The following SGCZ variants were observed in gnomAD, a reference collection of about 807,000 sequenced individuals.
SGCZ encodes zeta-sarcoglycan.
A neutral mutation model predicts 41.3 loss-of-function variants in SGCZ; 40 were observed. The observed-to-expected ratio is 0.97, with a 90% CI of 0.75 to 1.26. The LOEUF (loss-of-function observed/expected upper bound fraction) is 1.26. Ranked by LOEUF, SGCZ falls within the 50% of genes most tolerant of loss-of-function variation. SGCZ has a pLI of 0.00. For missense variants in SGCZ, 552 were observed against 369.8 expected, an observed-to-expected ratio of 1.49 and a Z score of -4.04; for synonymous variants, 206 against 137.5, an observed-to-expected ratio of 1.50 and a Z score of -3.49.
At chr8:14,896,715 G>T (rs1312515161) in intron 1 of SGCZ, among the ~76,000 whole-genome samples, 1 of 151,876 alleles carries the variant, frequency 6.6e-6, no homozygotes, top group East Asian at 1.9e-4. Flanking sequence ...GACCTCCAGT[G>T]ATAAACCTGC....
intron 1 of SGCZ, among the ~76,000 whole-genome samples, chr8:14,640,970 T>G (rs1483418158): frequency 6.6e-6 from 1 of 151,674 alleles, no homozygotes; most frequent in Non-Finnish European, 1.5e-5. Flanking sequence ...AAAGTTAATG[T>G]TGGTATGAAA....
chr8:15,210,197 A>C (rs779354928), intron 1 of SGCZ, among the ~76,000 whole-genome samples: 23 of 152,162 alleles, frequency 1.5e-4, no homozygotes, highest in Non-Finnish European at 2.9e-4. Flanking sequence ...CGAGCTGCAG[A>C]ATTAACTGTG....
At chr8:14,885,221 C>T (rs751966210) in intron 1 of SGCZ, among the ~76,000 whole-genome samples, 19 of 152,026 alleles carry the variant, frequency 1.2e-4, no homozygotes, top group Non-Finnish European at 2.2e-4. Context: ...TCCAGTCATC[C>T]CTTGAGGAAA....
chr8:14,755,967 A>G (rs1040730781), intron 1 of SGCZ, among the ~76,000 whole-genome samples: 14 of 152,204 alleles, frequency 9.2e-5, no homozygotes. Flanking sequence ...ATACATAAAT[A>G]TGTAGTTCAT....
intron 3 of SGCZ, among the ~76,000 whole-genome samples, chr8:14,321,710 G>A (rs1279786737): frequency 6.6e-6 from 1 of 151,986 alleles, no homozygotes; most frequent in Non-Finnish European, 1.5e-5. Flanking sequence ...ATCTTCCAAA[G>A]TGCCTTTTAG....
At chr8:14,476,412 T>G (rs1388550217) in intron 2 of SGCZ, among the ~76,000 whole-genome samples, 5 of 152,100 alleles carry the variant, frequency 3.3e-5, no homozygotes, top group African/African-American at 1.2e-4. Context: ...TCTATATGTC[T>G]TGCTGAGTCT....
intron 1 of SGCZ, among the ~76,000 whole-genome samples, chr8:15,035,735 C>G (rs1426315660): frequency 2.0e-5 from 3 of 151,782 alleles, no homozygotes; most frequent in Non-Finnish European, 4.4e-5. Context: ...TCAAACAAGA[C>G]AAAAAGGTCA....
rs756289139 is a variant in SGCZ at position 15,021,299 on chromosome 8, G to A, written c.39+216286C>T. 2.1e-4 allele frequency among the ~76,000 whole-genome samples: 32 copies of A among 152,238 alleles called. 1 individual carries two copies. The highest frequency in any genetic ancestry group is 1.7e-3 in the South Asian group (8 of 4,824). On this transcript the variant is annotated intron_variant, in intron 1 of 7. Transcript: ENST00000382080. ...ATATCTGACTAATATGGTGAATTCA[G>A]GCCTCATGGTACTCTCTACAACTGG...
At chr8:14,908,512 G>C (rs913655187) in intron 1 of SGCZ, among the ~76,000 whole-genome samples, 3 of 152,124 alleles carry the variant, frequency 2.0e-5, no homozygotes, top group Non-Finnish European at 2.9e-5. Context: ...AGCAGTTTGG[G>C]AGCCCCAGGT....
At chr8:15,018,266 G>C (rs966359549) in intron 1 of SGCZ, among the ~76,000 whole-genome samples, 33 of 152,162 alleles carry the variant, frequency 2.2e-4, no homozygotes, top group African/African-American at 7.2e-4. Context: ...TAAGCTCAGA[G>C]ATGTCTTCAA....
At chr8:14,971,896 C>A (rs549247931) in intron 1 of SGCZ, among the ~76,000 whole-genome samples, 20 of 152,100 alleles carry the variant, frequency 1.3e-4, no homozygotes, top group Non-Finnish European at 2.6e-4. Flanking sequence ...GATCACCCTG[C>A]CTCGGCCTCC....
At chr8:14,668,107 C>T (rs564995105) in intron 1 of SGCZ, among the ~76,000 whole-genome samples, 4 of 152,134 alleles carry the variant, frequency 2.6e-5, no homozygotes, top group South Asian at 2.1e-4. Flanking sequence ...CAGGCACCCC[C>T]GCCACCACAC....
intron 1 of SGCZ, among the ~76,000 whole-genome samples, chr8:14,763,179 G>T (rs1393177118): frequency 6.6e-6 from 1 of 152,148 alleles, no homozygotes; most frequent in Non-Finnish European, 1.5e-5. Context: ...TAGTCTCAGA[G>T]ACTGGCCTGT....
At chr8:14,950,922 T>G (rs2130835539) in intron 1 of SGCZ, among the ~76,000 whole-genome samples, 2 of 152,150 alleles carry the variant, frequency 1.3e-5, no homozygotes, top group East Asian at 3.9e-4. Flanking sequence ...CCAAAATTAA[T>G]GAATACTCTA....
At chr8:14,746,869 C>G (rs999621928) in intron 1 of SGCZ, among the ~76,000 whole-genome samples, 2 of 152,088 alleles carry the variant, frequency 1.3e-5, no homozygotes, top group African/African-American at 2.4e-5. Flanking sequence ...ACATAAGCAT[C>G]TTTCAACTGT....
At chr8:14,664,653 T>A (rs971556485) in intron 1 of SGCZ, among the ~76,000 whole-genome samples, 1 of 152,180 alleles carries the variant, frequency 6.6e-6, no homozygotes, top group Non-Finnish European at 1.5e-5. Flanking sequence ...AAATGACTTA[T>A]TTCAGTACAT....
At chr8:15,107,019 C>T (rs552997537) in intron 1 of SGCZ, among the ~76,000 whole-genome samples, 1 of 152,262 alleles carries the variant, frequency 6.6e-6, no homozygotes, top group African/African-American at 2.4e-5. Context: ...TGGATTACTA[C>T]TGCTGATCTA....
chr8:14,165,575 T>TAACA (rs1487820227), intron 4 of SGCZ, among the ~76,000 whole-genome samples: 3 of 152,132 alleles, frequency 2.0e-5, no homozygotes, highest in Non-Finnish European at 4.4e-5. Flanking sequence ...TCTTTGGACA[T>TAACA]AACACTTTTG....
At chr8:14,733,377 A>G (rs61173547) in intron 1 of SGCZ, among the ~76,000 whole-genome samples, 10,846 of 152,198 alleles carry the variant, frequency 0.071, 1,115 homozygotes, top group African/African-American at 0.23. Context: ...CAACCCTAGT[A>G]CATCCCCATA....
Sources: allele counts gnomAD v4.1 joint callset (sites outside exome capture counted in the v4.1 genomes callset), GRCh38; gene constraint gnomAD v4.1.1; transcripts MANE v1.5; gene names NCBI Gene and HGNC (gene_info 2026-07-23, HGNC 2026-07-21).